RNF31: variants seen among roughly 807,000 people sequenced by gnomAD.
The protein encoded by RNF31 is ring finger protein 31, also known as E3 ubiquitin-protein ligase RNF31.
In RNF31, 38 loss-of-function variants were observed where a neutral mutation model predicts 133.6. The observed-to-expected ratio is 0.28, with a 90% CI of 0.22 to 0.37. The LOEUF is 0.37. Ranked by LOEUF, RNF31 falls within the 10% of genes least tolerant of loss-of-function variation. The pLI is 1.00. For synonymous variants in RNF31, 582 were observed against 552.3 expected (o/e 1.05, Z -0.75); for missense variants, 1,118 against 1,394.1 (o/e 0.80, Z 3.15).
At position 24,149,495 on chromosome 14, in the gene RNF31, G is replaced by C; in HGVS notation, c.721G>C (p.Asp241His). ...TAAACAGGCCCTGTGTCCAGCCTGT[G>C]ACCACCTGTTCCATGGACACCCATC... ...SCKQALCPACDHLFHGHPSRA... is the reference protein window; with the variant it reads ...SCKQALCPACHHLFHGHPSRA... Residue 241 changes from aspartate (D) to histidine (H), a missense_variant, in exon 6 of 21, where the codon GAC becomes CAC. By Grantham distance (81) the Asp-to-His change is moderately conservative. Around this residue, in one of 3 missense-constraint regions of RNF31, gnomAD observed 747 missense variants for 827.9 expected, o/e 0.90. Transcript: ENST00000324103. 1.2e-6 allele frequency: 2 copies of C among 1,614,102 alleles called. No individual in the cohort carries two copies. Among genetic ancestry groups the C allele is most frequent in the Non-Finnish European group, 1.7e-6 (2 of 1,180,018 alleles).
At chr14:24,147,413 C>G (rs926429442), upstream of RNF31, 2 of 311,498 alleles carry the variant, frequency 6.4e-6, no homozygotes, top group African/African-American at 2.2e-5. Flanking sequence ...CTTGGCCGCG[C>G]CCCCTGGTTT....
In RNF31 at chr14:24,151,673, G is replaced by A. The variant is rs1352236551; in HGVS notation, c.1923+3G>A. On this transcript the variant is annotated splice_donor_region_variant and intron_variant, in intron 10 of 20. Transcript: ENST00000324103. The surrounding 1 kb of genome is among the most constrained non-coding windows in gnomAD (Gnocchi z 5.3). ...CCTGGGATGGGCCAGACAAGCAGGTGCTGGGAGGAGGCAAGAAGCCCAAGG... is the reference window on the plus strand; with the variant it reads ...CCTGGGATGGGCCAGACAAGCAGGTACTGGGAGGAGGCAAGAAGCCCAAGG... The A allele has an allele frequency of 6.2e-7, 1 of 1,609,996 alleles. No individual in the cohort carries two copies. Among genetic ancestry groups the A allele is most frequent in the African/African-American group, 1.3e-5 (1 of 75,056 alleles).
At chr14:24,152,031 C>T (rs1372397222) in intron 11 of RNF31, 39 bp downstream of exon 11, 2 of 1,582,928 alleles carry the variant, frequency 1.3e-6, no homozygotes, top group African/African-American at 1.3e-5. Context: ...AAGAATTACT[C>T]TATTCTTTTG....
intron 11 of RNF31, among the ~76,000 whole-genome samples, chr14:24,153,900 T>C (rs1162229328): frequency 1.3e-5 from 2 of 151,982 alleles, no homozygotes; most frequent in Admixed American, 6.6e-5. Context: ...TGAGACTCTG[T>C]CTCAAAATAA....
At position 24,150,132 on chromosome 14, in the gene RNF31, C is replaced by T. The variant is rs760978483; in HGVS notation, c.881C>T (p.Ser294Phe). 4 of 1,611,652 alleles carry T rather than the reference C, an allele frequency of 2.5e-6. No homozygotes were observed. Among genetic ancestry groups the T allele is most frequent in the Non-Finnish European group, 3.4e-6 (4 of 1,178,054 alleles). ...LLALGDSSLS[S>F]PNPASAHLPW... Reference sequence around the variant, plus strand: ...GCCCTGGGAGACAGCTCTCTTTCTTCCCCTAATCCTGCAAGTGCTCATTTG... The same window carrying T: ...GCCCTGGGAGACAGCTCTCTTTCTTTCCCTAATCCTGCAAGTGCTCATTTG... Residue 294 changes from serine (S) to phenylalanine (F), a missense_variant, in exon 7 of 21, where the codon TCC becomes TTC. Physicochemically the swap from Ser to Phe is radical, Grantham distance 155 (BLOSUM62 -2). Around this residue, in one of 3 missense-constraint regions of RNF31, gnomAD observed 747 missense variants for 827.9 expected, o/e 0.90. Coordinates refer to ENST00000324103, the MANE Select transcript of RNF31 (RefSeq NM_017999.5).
rs1201786041 is a variant in RNF31, at chr14:24,160,190, A to G, written c.2997-49A>G. On this transcript the variant is annotated intron_variant, in intron 19 of 20. Coordinates refer to ENST00000324103, the MANE Select transcript of RNF31 (RefSeq NM_017999.5). The surrounding 1 kb of genome is among the most constrained non-coding windows in gnomAD (Gnocchi z 4.0). The stretch of plus-strand genomic sequence containing the variant: ...GAGTCCAGCTATGTTAGACACACTC[A>G]GTTAATATTAGCCAACACAACAAAT... The G allele has an allele frequency of 1.9e-6, 3 of 1,574,934 alleles. No homozygotes were observed. Among genetic ancestry groups the G allele is most frequent in the Non-Finnish European group, 2.6e-6 (3 of 1,158,854 alleles).
At position 24,155,724 on chromosome 14, in the gene RNF31, G is replaced by T; in HGVS notation, c.2493+32G>T. 1 of 1,574,580 alleles carries T rather than the reference G, an allele frequency of 6.4e-7. No homozygotes were observed. Among genetic ancestry groups the T allele is most frequent in the Non-Finnish European group, 8.7e-7 (1 of 1,144,838 alleles). The stretch of plus-strand genomic sequence containing the variant: ...CACATTCATCCTTTCAGAAATACTT[G>T]CTGAGCTACTGCCAGGTACTGTGTT... On this transcript the variant is annotated intron_variant, in intron 14 of 20. Transcript: ENST00000324103. This position sits in a 1 kb window ranked among gnomAD's most constrained non-coding sequence, Gnocchi z 4.9.
chr14:24,158,960 G>A (rs931051116), intron 18 of RNF31, among the ~76,000 whole-genome samples: 4 of 150,510 alleles, frequency 2.7e-5, no homozygotes, highest in Non-Finnish European at 5.9e-5. Context: ...ATGAACCCGG[G>A]AGGCGGAGCT....
Position 24,148,938 on chromosome 14 carries a change from T to A in RNF31, c.631+62T>A, listed in dbSNP as rs2038220543. On this transcript the variant is annotated intron_variant, in intron 5 of 20. Transcript: ENST00000324103. ...CTATATTGATGGAAATTTGGGATGC[T>A]CCTCTGTCTTCTTGGTTATCTTCCT... 3 of 1,310,252 alleles carry A rather than the reference T, an allele frequency of 2.3e-6. No individual in the cohort carries two copies. In the South Asian group the frequency reaches 3.6e-5, roughly 16 times the overall value. 81.2% of individuals were successfully genotyped at this position (1,310,252 alleles called of 1,614,324 possible). A position where few individuals can be genotyped will look rare whatever the true frequency, so the allele number is the denominator to read the frequency against.
In RNF31 at chr14:24,148,881, T is replaced by C; in HGVS notation, c.631+5T>C. The C allele has an allele frequency of 1.2e-6, 2 of 1,613,174 alleles. No homozygotes were observed. Among genetic ancestry groups the C allele is most frequent in the Non-Finnish European group, 1.7e-6 (2 of 1,179,104 alleles). On this transcript the variant is annotated splice_donor_5th_base_variant and intron_variant, in intron 5 of 20. Coordinates refer to ENST00000324103, the MANE Select transcript of RNF31 (RefSeq NM_017999.5). ...TCACCACACCCTCTGTCCCAGGTAT[T>C]ATTGGTCCTAAATTGGGGACCAGGT...
At chr14:24,158,682 T>G (rs2038382814) in intron 18 of RNF31, 1 of 154,868 alleles carries the variant, frequency 6.5e-6, no homozygotes. Context: ...TGGTTAGTAC[T>G]TGGATGAGAG....
At chr14:24,149,303 C>A in intron 5 of RNF31, 103 bp from the exon 6 acceptor site, 2 of 1,198,522 alleles carry the variant, frequency 1.7e-6, no homozygotes, top group Non-Finnish European at 2.4e-6. Context: ...TTCCTTGGGT[C>A]CAGATGTTTA....
chr14:24,155,751 G>C lies in RNF31; in HGVS notation c.2493+59G>C. On this transcript the variant is annotated intron_variant, in intron 14 of 20. Coordinates refer to ENST00000324103, the MANE Select transcript of RNF31 (RefSeq NM_017999.5). This position sits in a 1 kb window ranked among gnomAD's most constrained non-coding sequence, Gnocchi z 4.9. ...TGAGCTACTGCCAGGTACTGTGTTAGACTCAGGGGAGTTTGTGTACTGGAG... is the reference window on the plus strand; with the variant it reads ...TGAGCTACTGCCAGGTACTGTGTTACACTCAGGGGAGTTTGTGTACTGGAG... 1 of 1,483,150 alleles carries C rather than the reference G, an allele frequency of 6.7e-7. No homozygotes were observed. The highest frequency in any genetic ancestry group is 9.4e-7 in the Non-Finnish European group (1 of 1,065,008). 91.9% of individuals were successfully genotyped at this position (1,483,150 alleles called of 1,614,324 possible).
Position 24,155,327 on chromosome 14 carries a change from C to T in RNF31, c.2301C>T (p.Ile767=). Residue 767 remains isoleucine, a synonymous_variant, in exon 12 of 21, where the codon ATC becomes ATT. Coordinates refer to ENST00000324103, the MANE Select transcript of RNF31 (RefSeq NM_017999.5). This position sits in a 1 kb window ranked among gnomAD's most constrained non-coding sequence, Gnocchi z 4.9. ...QLLSYFSTLD[I]QLRESLEPDA... is the part of the protein sequence containing the mutation. Reference sequence around the variant, plus strand: ...TCAGCTACTTCTCTACCCTTGACATCCAGGTACTGCAGCCCCTCTAGGACT... The same window carrying T: ...TCAGCTACTTCTCTACCCTTGACATTCAGGTACTGCAGCCCCTCTAGGACT... 1 of 1,614,178 alleles carries T rather than the reference C, an allele frequency of 6.2e-7. No individual in the cohort carries two copies. The highest frequency in any genetic ancestry group is 1.1e-5 in the South Asian group (1 of 91,082).
intron 16 of RNF31, 121 bp downstream of exon 16, chr14:24,157,759 C>G: frequency 9.1e-7 from 1 of 1,093,614 alleles, no homozygotes; most frequent in African/African-American, 1.5e-5. Context: ...TAAAGCACAA[C>G]TCTCTGTCCC....
At position 24,147,765 on chromosome 14, in the gene RNF31, AG is replaced by A. The variant is rs2038191896; in HGVS notation, c.70del (p.Asp24IlefsTer15). 3 of 1,575,246 alleles carry A rather than the reference AG, an allele frequency of 1.9e-6. No homozygotes were observed. The highest frequency in any genetic ancestry group is 2.6e-6 in the Non-Finnish European group (3 of 1,163,948). Reference sequence around the variant, plus strand: ...CGAGGAGCTGGCGAGCGCCCTGAGGAGGGATTCCGGGCAGGCGTTTTCCCTG... The same window carrying A: ...CGAGGAGCTGGCGAGCGCCCTGAGGAGGATTCCGGGCAGGCGTTTTCCCTG... Reference protein sequence around the residue: ...AREELASALRRDSGQAFSLEQ... With the variant: ...AREELASALRXDSGQAFSLEQ... On this transcript the variant is annotated frameshift_variant, in exon 1 of 21. Transcript: ENST00000324103. LOFTEE classifies it high-confidence loss of function.
At chr14:24,149,106 G>A (rs2038224107) in intron 5 of RNF31, 1 of 602,160 alleles carries the variant, frequency 1.7e-6, no homozygotes, top group African/African-American at 1.9e-5. Flanking sequence ...TGGGATTACA[G>A]GCATGCGCCA....
rs767921327 is a variant in RNF31, at chr14:24,157,529, A to G, written c.2618A>G (p.Lys873Arg). Residue 873 changes from lysine (K) to arginine (R), a missense_variant, in exon 16 of 21, where the codon AAA becomes AGA. Lys to Arg is a conservative substitution (Grantham distance 26). Around this residue, in one of 3 missense-constraint regions of RNF31, gnomAD observed 201 missense variants for 371.7 expected, o/e 0.54. Transcript: ENST00000324103. ...YLQENGIDCPKCKFSYALARG... is the reference protein window; with the variant it reads ...YLQENGIDCPRCKFSYALARG... ...CTCTTGTCCTTTGCAGACTGCCCCA[A>G]ATGCAAGTTCTCGTACGCCCTGGCC... 3.1e-6 allele frequency: 5 copies of G among 1,613,986 alleles called. No individual in the cohort carries two copies. Among genetic ancestry groups the G allele is most frequent in the Non-Finnish European group, 4.2e-6 (5 of 1,180,006 alleles).
rs771843327 is a variant in RNF31 at position 24,157,257 on chromosome 14, G to C, written c.2494-33G>C. 2.0e-6 allele frequency: 3 copies of C among 1,514,694 alleles called. No homozygotes were observed. The Admixed American group carries it at 5.4e-5, about 27-fold the overall frequency. 93.8% of individuals were successfully genotyped at this position (1,514,694 alleles called of 1,614,324 possible). A position where few individuals can be genotyped will look rare whatever the true frequency, so the allele number is the denominator to read the frequency against. On this transcript the variant is annotated intron_variant, in intron 14 of 20. Coordinates refer to ENST00000324103, the MANE Select transcript of RNF31 (RefSeq NM_017999.5). ...AAGAAAGGCCAGGGGATGGGATAGA[G>C]CTCCCATGTGAAGCCTACTTTCCCT...
Sources: allele counts gnomAD v4.1 joint callset (sites outside exome capture counted in the v4.1 genomes callset), GRCh38; gene constraint gnomAD v4.1.1; regional missense constraint gnomAD v4.1.1; non-coding constraint Gnocchi (gnomAD v3.1); transcripts MANE v1.5; gene names NCBI Gene and HGNC (gene_info 2026-07-23, HGNC 2026-07-21).